Variants in SNTB1 observed in about 807,000 individuals in gnomAD.
SNTB1 encodes beta-1-syntrophin.
In SNTB1, 36 loss-of-function variants were observed where a neutral mutation model predicts 48.9. The ratio of observed to expected loss-of-function variants is 0.74; its 90% CI spans 0.56 to 0.97. The LOEUF is 0.97. SNTB1 is among the 50% of genes least tolerant of loss of function. The pLI is 0.00. For missense variants in SNTB1, 786 were observed against 703.4 expected (o/e 1.12, Z -1.33); for synonymous variants, 299 against 294.6 (o/e 1.01, Z -0.15).
At chr8:120,578,876 A>G (rs1238334840) in intron 3 of SNTB1, among the ~76,000 whole-genome samples, 2 of 152,192 alleles carry the variant, frequency 1.3e-5, no homozygotes, top group East Asian at 3.9e-4. Flanking sequence ...CAAGTCCTAG[A>G]ACAATATGTA....
intron 1 of SNTB1, among the ~76,000 whole-genome samples, chr8:120,704,259 T>G: frequency 6.6e-6 from 1 of 152,156 alleles, no homozygotes; most frequent in Non-Finnish European, 1.5e-5. Context: ...GTGACTAGCC[T>G]GAGCAATACA....
chr8:120,674,515 T>C (rs4512418), intron 2 of SNTB1, among the ~76,000 whole-genome samples: 44,153 of 152,198 alleles, frequency 0.29, 7,443 homozygotes, highest in Admixed American at 0.37. Context: ...GAGACTCAAG[T>C]TGGCAAAGCT....
intron 2 of SNTB1, chr8:120,636,129 T>A: frequency 4.5e-6 from 1 of 223,618 alleles, no homozygotes; most frequent in Non-Finnish European, 8.4e-6. Context: ...AGGGGCTGAG[T>A]CTGGTGGGGT....
At chr8:120,618,612 ATTTG>A (rs774390931) in intron 3 of SNTB1, among the ~76,000 whole-genome samples, 2 of 152,352 alleles carry the variant, frequency 1.3e-5, no homozygotes, top group South Asian at 4.1e-4. Flanking sequence ...CTAGTCATAT[ATTTG>A]TTTGTTTAAA....
intron 1 of SNTB1, among the ~76,000 whole-genome samples, chr8:120,736,632 T>C (rs541032700): frequency 6.6e-6 from 1 of 152,256 alleles, no homozygotes; most frequent in African/African-American, 2.4e-5. Context: ...CTGAACCAGC[T>C]TGGATTTTAT....
At chr8:120,742,493 C>T (rs1267997207) in intron 1 of SNTB1, among the ~76,000 whole-genome samples, 1 of 152,234 alleles carries the variant, frequency 6.6e-6, no homozygotes, top group South Asian at 2.1e-4. Flanking sequence ...GCAAAGGGAT[C>T]GAGTCACAGG....
At chr8:120,767,482 A>T (rs1178768957) in intron 1 of SNTB1, among the ~76,000 whole-genome samples, 2 of 152,130 alleles carry the variant, frequency 1.3e-5, no homozygotes, top group Non-Finnish European at 2.9e-5. Context: ...TTGCTTATAC[A>T]CTCTTTAGAC....
intron 1 of SNTB1, among the ~76,000 whole-genome samples, chr8:120,698,740 G>C (rs2129880010): frequency 6.6e-6 from 1 of 152,252 alleles, no homozygotes; most frequent in South Asian, 2.1e-4. Flanking sequence ...ACCAGTTGAG[G>C]TCTGAGACTA....
chr8:120,811,882 G>A lies in SNTB1; in HGVS notation c.-39C>T. 16 of 1,313,466 alleles carry A rather than the reference G, an allele frequency of 1.2e-5. No individual in the cohort carries two copies. The highest frequency in any genetic ancestry group is 2.7e-4 in the Middle Eastern group (1 of 3,724). The allele number at this position is 1,313,466 out of a possible 1,614,324, so 81.4% of individuals were successfully genotyped here. On this transcript the variant is annotated 5_prime_UTR_variant, in exon 1 of 7. Transcript: ENST00000517992. ...TTAAAATGCCATGTGATTGGAAAAGGGGGGAAAAGTGGGGAAGGGTGGCCG... is the reference window on the plus strand; with the variant it reads ...TTAAAATGCCATGTGATTGGAAAAGAGGGGAAAAGTGGGGAAGGGTGGCCG...
chr8:120,567,619 C>T (rs1815775219), intron 4 of SNTB1, among the ~76,000 whole-genome samples: 1 of 151,970 alleles, frequency 6.6e-6, no homozygotes, highest in South Asian at 2.1e-4. Context: ...GACGGATCCT[C>T]CATGTTGCCC....
chr8:120,795,137 CAAAT>C (rs1386532231), intron 1 of SNTB1, among the ~76,000 whole-genome samples: 1 of 151,638 alleles, frequency 6.6e-6, no homozygotes, highest in Non-Finnish European at 1.5e-5. Flanking sequence ...TTATTTGTAT[CAAAT>C]AACTATTTTA....
intron 1 of SNTB1, among the ~76,000 whole-genome samples, chr8:120,768,348 C>T (rs1017347857): frequency 2.0e-5 from 3 of 152,168 alleles, no homozygotes; most frequent in Non-Finnish European, 4.4e-5. Context: ...ATCTTCAGAG[C>T]TTTATAAAGG....
Position 120,674,789 on chromosome 8 carries a change from G to A in SNTB1, c.788+18903C>T, listed in dbSNP as rs1018704805. ...ATGACAGAAAGGGTACAGAAGTGAG[G>A]GCAAAAAGAGAACAAAGTGTTTTCA... On this transcript the variant is annotated intron_variant, in intron 2 of 6. Transcript: ENST00000517992. Among the ~76,000 whole-genome samples the A allele has an allele frequency of 3.5e-4, 53 of 151,942 alleles. 1 individual carries two copies. Among genetic ancestry groups the A allele is most frequent in the Non-Finnish European group, 1.6e-4 (11 of 67,996 alleles).
chr8:120,661,182 AC>A (rs1587070711), intron 2 of SNTB1, among the ~76,000 whole-genome samples: 2 of 151,314 alleles, frequency 1.3e-5, no homozygotes, highest in East Asian at 4.0e-4. Flanking sequence ...GTTGTCACAA[AC>A]CTTCAATTTG....
chr8:120,740,089 G>C (rs960617683), intron 1 of SNTB1, among the ~76,000 whole-genome samples: 1 of 152,102 alleles, frequency 6.6e-6, no homozygotes, highest in African/African-American at 2.4e-5. Context: ...TTTGCCAGAG[G>C]GTGGATACTT....
chr8:120,541,326 G>C (rs1273154987), intron 6 of SNTB1: 1 of 152,674 alleles, frequency 6.5e-6, no homozygotes, highest in Non-Finnish European at 1.5e-5. Flanking sequence ...CAGTGGAGTT[G>C]ATCAGTTTCT....
chr8:120,755,420 T>C (rs1406593629), intron 1 of SNTB1, among the ~76,000 whole-genome samples: 1 of 151,964 alleles, frequency 6.6e-6, no homozygotes. Context: ...TGGGCTGTCA[T>C]GATCAGGGAG....
intron 1 of SNTB1, among the ~76,000 whole-genome samples, chr8:120,700,007 A>G (rs983993661): frequency 6.6e-6 from 1 of 152,200 alleles, no homozygotes; most frequent in Non-Finnish European, 1.5e-5. Context: ...TCACAACAAT[A>G]TAGGCATTAT....
intron 1 of SNTB1, among the ~76,000 whole-genome samples, chr8:120,801,180 C>A (rs1462303500): frequency 6.6e-6 from 1 of 151,808 alleles, no homozygotes; most frequent in Admixed American, 6.6e-5. Context: ...ATATCATTAA[C>A]CTTGATTTTC....
Sources: gnomAD v4.1 joint callset for allele counts (sites outside exome capture counted in the v4.1 genomes callset) on GRCh38, gnomAD v4.1.1 for gene constraint, MANE v1.5 for transcripts, NCBI Gene and HGNC (gene_info 2026-07-23, HGNC 2026-07-21) for gene names.